NFKB1: variants seen among roughly 807,000 people sequenced by gnomAD.
NFKB1 encodes nuclear factor kappa B subunit 1.
NFKB1 carries 9 observed loss-of-function variants against 105.1 expected under a neutral mutation model. That is an observed-to-expected ratio of 0.09 (90% CI 0.05 to 0.15). NFKB1 has a LOEUF of 0.15. Among genes scored for constraint, NFKB1 ranks in the 10% least tolerant of loss-of-function variants. NFKB1 has a pLI of 1.00. For synonymous variants in NFKB1, 440 were observed against 442.2 expected (o/e 1.00, Z 0.06); for missense variants, 830 against 1,203.7 (o/e 0.69, Z 4.59).
intron 20 of NFKB1, 105 bp downstream of exon 20, chr4:102,610,804 CCTTTT>C (rs1728337703): frequency 7.5e-7 from 1 of 1,341,528 alleles, no homozygotes; most frequent in Non-Finnish European, 1.0e-6. Context: ...AAAGAACATG[CCTTTT>C]ATTTTTAAGA....
intron 5 of NFKB1, among the ~76,000 whole-genome samples, chr4:102,561,844 A>G (rs1370520636): frequency 6.6e-6 from 1 of 152,140 alleles, no homozygotes; most frequent in Non-Finnish European, 1.5e-5. Context: ...GAGAAATTTG[A>G]CAGTAATCAT....
chr4:102,591,902 G>A (rs922391399), intron 11 of NFKB1, among the ~76,000 whole-genome samples: 8 of 152,232 alleles, frequency 5.3e-5, no homozygotes, highest in African/African-American at 1.9e-4. Flanking sequence ...CCTGTGGAAA[G>A]GATTTACCAT....
intron 13 of NFKB1, among the ~76,000 whole-genome samples, chr4:102,595,282 T>G (rs935711159): frequency 6.6e-6 from 1 of 152,192 alleles, no homozygotes; most frequent in Admixed American, 6.5e-5. Flanking sequence ...TCATCAAACT[T>G]AATGTATTCT....
intron 6 of NFKB1, among the ~76,000 whole-genome samples, chr4:102,575,816 A>G (rs1724773091): frequency 6.6e-6 from 1 of 152,108 alleles, no homozygotes; most frequent in African/African-American, 2.4e-5. Context: ...TGCCTTCTAA[A>G]TTGTATCGTA....
intron 11 of NFKB1, among the ~76,000 whole-genome samples, chr4:102,587,554 C>T (rs1046135090): frequency 2.0e-5 from 3 of 151,826 alleles, no homozygotes; most frequent in Admixed American, 6.6e-5. Flanking sequence ...TTTAATGCCT[C>T]GTTATCATAG....
intron 1 of NFKB1, among the ~76,000 whole-genome samples, chr4:102,515,142 G>T (rs1417287033): frequency 1.8e-5 from 2 of 113,714 alleles, no homozygotes; most frequent in African/African-American, 6.9e-5. Context: ...ACGGAGTCTC[G>T]CTCTGTCGCC....
intron 1 of NFKB1, chr4:102,510,747 C>A (rs952495607): frequency 6.2e-5 from 11 of 178,070 alleles, no homozygotes; most frequent in Admixed American, 3.8e-4. Context: ...AAACTTGAGA[C>A]AAAAATTGAA....
At chr4:102,588,810 T>C (rs1025651409) in intron 11 of NFKB1, among the ~76,000 whole-genome samples, 1 of 152,196 alleles carries the variant, frequency 6.6e-6, no homozygotes, top group Non-Finnish European at 1.5e-5. Flanking sequence ...TTGAGACTGA[T>C]CTTGACTCCA....
At chr4:102,584,850 A>ACATTT in intron 11 of NFKB1, 30 bp downstream of exon 11, 1 of 1,558,092 alleles carries the variant, frequency 6.4e-7, no homozygotes, top group Non-Finnish European at 8.7e-7. Context: ...TCTTATGCTC[A>ACATTT]TATTTTATTT....
intron 15 of NFKB1, among the ~76,000 whole-genome samples, chr4:102,599,379 C>T (rs183924834): frequency 5.9e-5 from 9 of 152,224 alleles, no homozygotes; most frequent in East Asian, 1.9e-4. Flanking sequence ...TCTTCTGTGC[C>T]GGAGTTAATC....
intron 11 of NFKB1, 104 bp from the exon 12 acceptor site, chr4:102,593,321 C>A: frequency 9.2e-7 from 1 of 1,088,566 alleles, no homozygotes; most frequent in South Asian, 1.6e-5. Context: ...TTCTATTTCC[C>A]TTTAAGATGT....
At chr4:102,514,194 T>C (rs1440534222) in intron 1 of NFKB1, among the ~76,000 whole-genome samples, 1 of 151,254 alleles carries the variant, frequency 6.6e-6, no homozygotes, top group African/African-American at 2.4e-5. Flanking sequence ...AAGAAAATAA[T>C]AATAATAATA....
intron 8 of NFKB1, 129 bp from the exon 9 acceptor site, chr4:102,580,406 T>C: frequency 1.4e-6 from 1 of 708,150 alleles, no homozygotes; most frequent in Non-Finnish European, 2.5e-6. Flanking sequence ...TTTTATTTAC[T>C]TTGTTAGTGA....
intron 2 of NFKB1, among the ~76,000 whole-genome samples, 194 bp from the exon 3 acceptor site, chr4:102,529,642 G>A (rs1320160811): frequency 6.6e-6 from 1 of 152,082 alleles, no homozygotes; most frequent in Admixed American, 6.5e-5. Context: ...CCAACCCTAT[G>A]TAAAGTTTTG....
intron 23 of NFKB1, 137 bp from the exon 24 acceptor site, chr4:102,616,294 GAGC>G: frequency 1.2e-6 from 1 of 820,672 alleles, no homozygotes; most frequent in Non-Finnish European, 2.0e-6. Context: ...CCACCACGGT[GAGC>G]AGTCATGACA....
intron 5 of NFKB1, among the ~76,000 whole-genome samples, chr4:102,547,910 A>G (rs1722261455): frequency 6.6e-6 from 1 of 152,138 alleles, no homozygotes; most frequent in East Asian, 1.9e-4. Context: ...TTCTTATGAA[A>G]ATCTCATAGG....
chr4:102,502,785 A>G (rs1412789109), intron 1 of NFKB1, among the ~76,000 whole-genome samples: 6 of 152,202 alleles, frequency 3.9e-5, no homozygotes, highest in Admixed American at 6.5e-5. Flanking sequence ...ACAGTTTATG[A>G]AATAACCATA....
Position 102,612,510 on chromosome 4 carries a change from C to T in NFKB1, c.2496C>T (p.Asn832=). ...KLLEIPDPDK[N]WATLAQKLGL... is the part of the protein sequence containing the mutation. ...TAGAAATTCCTGATCCAGACAAAAACTGGGCTACTCTGGCGCAGAAATTAG... is the reference window on the plus strand; with the variant it reads ...TAGAAATTCCTGATCCAGACAAAAATTGGGCTACTCTGGCGCAGAAATTAG... The change falls in exon 22 of 24, where the codon AAC becomes AAT. Residue 832 remains asparagine (N), a synonymous_variant. Transcript: ENST00000226574. 6.2e-7 allele frequency: 1 copy of T among 1,613,996 alleles called. No homozygotes were observed. The highest frequency in any genetic ancestry group is 8.5e-7 in the Non-Finnish European group (1 of 1,179,998).
At chr4:102,576,073 T>C (rs571125573) in intron 6 of NFKB1, among the ~76,000 whole-genome samples, 1 of 152,368 alleles carries the variant, frequency 6.6e-6, no homozygotes, top group East Asian at 1.9e-4. Context: ...GAACATTTTA[T>C]ATATTTTCTT....
Sources: allele counts gnomAD v4.1 joint callset (sites outside exome capture counted in the v4.1 genomes callset), GRCh38; gene constraint gnomAD v4.1.1; transcripts MANE v1.5; gene names NCBI Gene and HGNC (gene_info 2026-07-23, HGNC 2026-07-21).